MAD1L1: variants seen among roughly 807,000 people sequenced by gnomAD.
MAD1L1 encodes mitotic arrest deficient 1 like 1.
In MAD1L1, 95 loss-of-function variants were observed where a neutral mutation model predicts 96.9. That is an observed-to-expected ratio of 0.98 (90% CI 0.83 to 1.16). The LOEUF (loss-of-function observed/expected upper bound fraction) is 1.16. Among genes scored for constraint, MAD1L1 ranks in the 50% most tolerant of loss-of-function variants. The pLI is 0.00. For missense variants in MAD1L1, 1,007 were observed against 954.4 expected, an observed-to-expected ratio of 1.06 and a Z score of -0.73; for synonymous variants, 473 against 396.6, an observed-to-expected ratio of 1.19 and a Z score of -2.29.
chr7:2,146,022 C>T lies in MAD1L1; in HGVS notation c.1073+3130G>A, dbSNP rs1390927415. ...AGATCAGCAGAGAAGGAAAGTTACA[C>T]AACACCCAGGAAGTGCATCAAGACT... On this transcript the variant is annotated intron_variant, in intron 11 of 18. Transcript: ENST00000265854. The surrounding 1 kb of genome is among the most constrained non-coding windows in gnomAD (Gnocchi z 6.2). Among the ~76,000 whole-genome samples, 1 of 152,224 alleles carries T rather than the reference C, an allele frequency of 6.6e-6. No individual in the cohort carries two copies. The highest frequency in any genetic ancestry group is 2.4e-5 in the African/African-American group (1 of 41,440).
intron 12 of MAD1L1, among the ~76,000 whole-genome samples, chr7:2,043,298 G>A (rs148382630): frequency 3.4e-3 from 525 of 152,272 alleles, no homozygotes; most frequent in Non-Finnish European, 5.6e-3. Flanking sequence ...TTCTCCTGTG[G>A]TTCCCCTCCT....
intron 16 of MAD1L1, among the ~76,000 whole-genome samples, chr7:1,941,751 T>C (rs7809140): frequency 0.86 from 130,259 of 152,242 alleles, 57,195 homozygotes; most frequent in Non-Finnish European, 0.96. Flanking sequence ...ACTGGGCACC[T>C]GCGGCTGGGG....
chr7:1,841,000 A>G (rs1583518106), intron 18 of MAD1L1, among the ~76,000 whole-genome samples: 2 of 151,714 alleles, frequency 1.3e-5, no homozygotes, highest in Admixed American at 1.3e-4. Context: ...GTGATGCCCA[A>G]ATCTCTGGGC....
At chr7:1,989,642 C>T (rs1252404062) in intron 14 of MAD1L1, among the ~76,000 whole-genome samples, 1 of 151,868 alleles carries the variant, frequency 6.6e-6, no homozygotes, top group Non-Finnish European at 1.5e-5. Flanking sequence ...CCAGCCTCAG[C>T]GTGGACCAGC....
intron 16 of MAD1L1, 77 bp downstream of exon 16, chr7:1,957,552 G>T (rs1049305828): frequency 7.5e-5 from 107 of 1,419,706 alleles, no homozygotes; most frequent in Non-Finnish European, 9.8e-6. Flanking sequence ...GTGGCAGCAG[G>T]AACCACGGTC....
intron 11 of MAD1L1, among the ~76,000 whole-genome samples, chr7:2,148,126 C>G (rs1789398197): frequency 6.6e-6 from 1 of 152,234 alleles, no homozygotes; most frequent in Admixed American, 6.5e-5. Flanking sequence ...TTATGTCCAA[C>G]ACAACCAGAT....
rs538522365 is a variant in MAD1L1 at position 1,905,172 on chromosome 7, G to A, written c.1808-6782C>T. Among the ~76,000 whole-genome samples, 2 of 93,850 alleles carry A rather than the reference G, an allele frequency of 2.1e-5. 1 individual carries two copies. Among genetic ancestry groups the A allele is most frequent in the Admixed American group, 2.4e-4 (2 of 8,444 alleles). 61.6% of individuals were successfully genotyped at this position (93,850 alleles called of 152,430 possible). A position where few individuals can be genotyped will look rare whatever the true frequency, so the allele number is the denominator to read the frequency against. ...GATTGATGAAGCACTGTTCCAGGCA[G>A]TGAGGACGCAGTGGCCTACGGAAGA... On this transcript the variant is annotated intron_variant, in intron 17 of 18. Transcript: ENST00000265854.
At chr7:2,093,729 A>G (rs1786332155) in intron 11 of MAD1L1, among the ~76,000 whole-genome samples, 2 of 152,230 alleles carry the variant, frequency 1.3e-5, no homozygotes, top group South Asian at 2.1e-4. Flanking sequence ...ATCCACCCCT[A>G]TGAGACACAC....
chr7:2,106,233 G>C (rs909427536), intron 11 of MAD1L1, among the ~76,000 whole-genome samples: 4 of 152,036 alleles, frequency 2.6e-5, no homozygotes, highest in Middle Eastern at 3.2e-3. Flanking sequence ...CACTGCGTCG[G>C]TGCCTTGCGT....
At chr7:1,924,794 G>A (rs1478420510) in intron 17 of MAD1L1, among the ~76,000 whole-genome samples, 1 of 152,160 alleles carries the variant, frequency 6.6e-6, no homozygotes, top group South Asian at 2.1e-4. Flanking sequence ...TAGAGAGTAA[G>A]TACATAGGAC....
At chr7:1,872,525 C>T (rs945283987) in intron 18 of MAD1L1, 1 of 152,278 alleles carries the variant, frequency 6.6e-6, no homozygotes, top group Non-Finnish European at 1.5e-5. Context: ...CCTGCGACAC[C>T]GAACTGGGCT....
intron 13 of MAD1L1, among the ~76,000 whole-genome samples, chr7:2,014,296 A>G (rs1490146536): frequency 6.6e-6 from 1 of 152,092 alleles, no homozygotes; most frequent in African/African-American, 2.4e-5. Context: ...CTGACAGCGG[A>G]GGATGCTGCA....
At chr7:2,217,832 A>G (rs1639914) in intron 7 of MAD1L1, 130 bp downstream of exon 7, 485,642 of 760,304 alleles carry the variant, frequency 0.64, 157,389 homozygotes, top group African/African-American at 0.83. Context: ...ACAGTGCCCA[A>G]CACACAGGGC....
chr7:1,841,979 G>A (rs918543488), intron 18 of MAD1L1, among the ~76,000 whole-genome samples: 3 of 152,172 alleles, frequency 2.0e-5, no homozygotes, highest in African/African-American at 7.2e-5. Context: ...TGCTCGCCGC[G>A]CTCGGCCGCC....
chr7:2,013,907 C>T (rs1197874442), intron 13 of MAD1L1, among the ~76,000 whole-genome samples: 3 of 152,212 alleles, frequency 2.0e-5, no homozygotes, highest in South Asian at 2.1e-4. Flanking sequence ...GGGCACGGAG[C>T]GTCACGGTGG....
At chr7:2,081,903 G>C (rs1305211896) in intron 11 of MAD1L1, among the ~76,000 whole-genome samples, 6 of 152,248 alleles carry the variant, frequency 3.9e-5, no homozygotes, top group Admixed American at 3.9e-4. Context: ...AGACAGCAGG[G>C]CACGCCTGAC....
chr7:2,017,579 G>A (rs1782598112), intron 12 of MAD1L1, among the ~76,000 whole-genome samples: 1 of 152,224 alleles, frequency 6.6e-6, no homozygotes, highest in Non-Finnish European at 1.5e-5. Context: ...GGAGGCTGCA[G>A]GAAGGATCTG....
chr7:2,075,664 T>C (rs1229975385), intron 11 of MAD1L1, among the ~76,000 whole-genome samples: 1 of 152,200 alleles, frequency 6.6e-6, no homozygotes, highest in Non-Finnish European at 1.5e-5. Context: ...ATCTGCGCTG[T>C]GACCAGCCAC....
intron 11 of MAD1L1, among the ~76,000 whole-genome samples, chr7:2,116,308 G>A (rs1022289101): frequency 6.6e-6 from 1 of 152,200 alleles, no homozygotes; most frequent in Non-Finnish European, 1.5e-5. Context: ...CAAGACTCAG[G>A]CCTGACTCAT....
Sources: allele counts gnomAD v4.1 joint callset (sites outside exome capture counted in the v4.1 genomes callset), GRCh38; gene constraint gnomAD v4.1.1; non-coding constraint Gnocchi (gnomAD v3.1); transcripts MANE v1.5; gene names NCBI Gene and HGNC (gene_info 2026-07-23, HGNC 2026-07-21).